GLCCI1: variants seen among roughly 807,000 people sequenced by gnomAD.
GLCCI1 encodes the protein glucocorticoid induced 1.
Under a neutral mutation model 52.2 loss-of-function variants are expected in GLCCI1, and 24 were observed. That is an observed-to-expected ratio of 0.46 (90% CI 0.33 to 0.65). GLCCI1 has a LOEUF of 0.65. GLCCI1 is among the 30% of genes least tolerant of loss of function. The probability of loss-of-function intolerance (pLI) is 0.02; values close to 1 mark genes in which losing one functional copy is unlikely to be tolerated. For missense variants in GLCCI1, 704 were observed against 701.5 expected (o/e 1.00, Z -0.04); for synonymous variants, 310 against 276.5 (o/e 1.12, Z -1.20).
rs1029793498 is a variant in GLCCI1, at chr7:8,046,136, C to T, written c.697-9297C>T. On this transcript the variant is annotated intron_variant, in intron 3 of 7. Coordinates refer to ENST00000223145, the MANE Select transcript of GLCCI1 (RefSeq NM_138426.4). ...ATGGATTAAAGTCAAGTTGGCATAA[C>T]GGAAGAGAGAATTCATGAATCAGAA... Among the ~76,000 whole-genome samples, 5 of 149,950 alleles carry T rather than the reference C, an allele frequency of 3.3e-5. 1 individual carries two copies. The South Asian group carries it at 8.5e-4, about 25-fold the overall frequency.
intron 1 of GLCCI1, chr7:7,981,201 G>C (rs1037352911): frequency 3.0e-6 from 1 of 332,742 alleles, no homozygotes; most frequent in African/African-American, 2.3e-5. Flanking sequence ...AAGTTGTGAA[G>C]TTATCTGGGA....
At chr7:8,013,792 G>GT (rs1387815740) in intron 2 of GLCCI1, among the ~76,000 whole-genome samples, 2 of 152,036 alleles carry the variant, frequency 1.3e-5, no homozygotes. Context: ...TTTACATACA[G>GT]GACATCTTCA....
rs1436480352 is a variant in GLCCI1, at chr7:8,086,813, G to A, written c.*275G>A. On this transcript the variant is annotated 3_prime_UTR_variant, in exon 8 of 8. Transcript: ENST00000223145. The surrounding 1 kb of genome is among the most constrained non-coding windows in gnomAD (Gnocchi z 4.4). ...ATTTGACAGATTAGTACTGTGTCCTGTGTTTTGTTCCAGATTCTTCAGTAT... is the reference window on the plus strand; with the variant it reads ...ATTTGACAGATTAGTACTGTGTCCTATGTTTTGTTCCAGATTCTTCAGTAT... 6 of 333,988 alleles carry A rather than the reference G, an allele frequency of 1.8e-5. No homozygotes were observed. Among genetic ancestry groups the A allele is most frequent in the African/African-American group, 1.3e-4 (6 of 47,424 alleles). 20.7% of individuals were successfully genotyped at this position (333,988 alleles called of 1,614,324 possible).
intron 2 of GLCCI1, among the ~76,000 whole-genome samples, chr7:8,009,167 T>C (rs1781211288): frequency 1.3e-5 from 2 of 152,144 alleles, no homozygotes; most frequent in African/African-American, 4.8e-5. Flanking sequence ...TAAAATCCAT[T>C]TGTGAAATTT....
chr7:8,008,222 A>G (rs953044517), intron 2 of GLCCI1, among the ~76,000 whole-genome samples: 1 of 151,612 alleles, frequency 6.6e-6, no homozygotes, highest in African/African-American at 2.4e-5. Flanking sequence ...AGCATCTCCC[A>G]AGGACTCCTA....
At chr7:8,074,731 A>T (rs552438065) in intron 6 of GLCCI1, among the ~76,000 whole-genome samples, 2 of 152,320 alleles carry the variant, frequency 1.3e-5, no homozygotes, top group Admixed American at 6.5e-5. Flanking sequence ...TTTCTACAAT[A>T]AATCATAAAT....
intron 3 of GLCCI1, among the ~76,000 whole-genome samples, chr7:8,032,529 A>G (rs1323634911): frequency 6.6e-6 from 1 of 152,062 alleles, no homozygotes; most frequent in East Asian, 1.9e-4. Context: ...AGCAGACCCA[A>G]ATTACCAACT....
intron 2 of GLCCI1, among the ~76,000 whole-genome samples, chr7:8,021,484 C>G (rs1458113628): frequency 6.6e-6 from 1 of 152,146 alleles, no homozygotes; most frequent in African/African-American, 2.4e-5. Flanking sequence ...ACAATCTTGG[C>G]TCACTGCAGC....
At chr7:8,050,988 A>G (rs1159351131) in intron 3 of GLCCI1, among the ~76,000 whole-genome samples, 1 of 152,164 alleles carries the variant, frequency 6.6e-6, no homozygotes, top group African/African-American at 2.4e-5. Context: ...AAATAATTAG[A>G]TAGGCAAATT....
chr7:8,084,098 T>G (rs935282929), intron 6 of GLCCI1, among the ~76,000 whole-genome samples: 1 of 152,224 alleles, frequency 6.6e-6, no homozygotes, highest in South Asian at 2.1e-4. Context: ...CTTTACAACT[T>G]GGCCTCTTAT....
chr7:8,085,736 A>T (rs1584031530), intron 7 of GLCCI1, among the ~76,000 whole-genome samples: 2 of 151,524 alleles, frequency 1.3e-5, no homozygotes, highest in Admixed American at 6.6e-5. Flanking sequence ...GACCACTGAA[A>T]CTCCCCTCCC....
intron 1 of GLCCI1, among the ~76,000 whole-genome samples, chr7:7,992,117 C>A (rs940192552): frequency 6.7e-6 from 1 of 149,962 alleles, no homozygotes; most frequent in Admixed American, 6.7e-5. Context: ...TTCTCTCTCT[C>A]TCTCTCTCTC....
At chr7:7,976,310 C>G (rs576768115) in intron 1 of GLCCI1, among the ~76,000 whole-genome samples, 1 of 151,350 alleles carries the variant, frequency 6.6e-6, no homozygotes, top group East Asian at 2.0e-4. Flanking sequence ...GAAACCCTGT[C>G]TCTACTAAAA....
At chr7:8,030,360 T>C (rs1781719182) in intron 3 of GLCCI1, among the ~76,000 whole-genome samples, 1 of 152,124 alleles carries the variant, frequency 6.6e-6, no homozygotes, top group East Asian at 1.9e-4. Flanking sequence ...ACCTGACTCC[T>C]TTTTTTCACC....
At position 8,086,061 on chromosome 7, in the gene GLCCI1, C is replaced by G; in HGVS notation, c.1299-132C>G. 2.9e-6 allele frequency: 2 copies of G among 698,686 alleles called. No individual in the cohort carries two copies. The highest frequency in any genetic ancestry group is 3.7e-5 in the South Asian group (2 of 53,852). 43.3% of individuals were successfully genotyped at this position (698,686 alleles called of 1,614,324 possible). On this transcript the variant is annotated intron_variant, in intron 7 of 7. Transcript: ENST00000223145. This position sits in a 1 kb window ranked among gnomAD's most constrained non-coding sequence, Gnocchi z 4.4. ...GACTTGTGCTATGGAAGATGTTTACCCCTCTGTATACACTTAACCCATCTC... is the reference window on the plus strand; with the variant it reads ...GACTTGTGCTATGGAAGATGTTTACGCCTCTGTATACACTTAACCCATCTC...
intron 6 of GLCCI1, 71 bp from the exon 7 acceptor site, chr7:8,084,826 G>C (rs763787267): frequency 6.3e-5 from 97 of 1,527,862 alleles, no homozygotes; most frequent in Admixed American, 3.5e-4. Flanking sequence ...TGTGCAAAAG[G>C]CTGTTTGTTT....
rs182462243 is a variant in GLCCI1 at position 8,081,209 on chromosome 7, A to G, written c.1178-3688A>G. 3.6e-3 allele frequency among the ~76,000 whole-genome samples: 546 copies of G among 152,206 alleles called. 3 individuals are homozygous for G. The highest frequency in any genetic ancestry group is 0.014 in the Middle Eastern group (4 of 294). On this transcript the variant is annotated intron_variant, in intron 6 of 7. Transcript: ENST00000223145. The stretch of plus-strand genomic sequence containing the variant: ...CTTTACCCCCCACCTCCCTACCCCA[A>G]GGCAGTGCTTGGCTCCTCCCCAGAC...
intron 2 of GLCCI1, among the ~76,000 whole-genome samples, chr7:8,009,631 A>T (rs1315820339): frequency 6.6e-6 from 1 of 152,052 alleles, no homozygotes; most frequent in African/African-American, 2.4e-5. Flanking sequence ...GTTCATTCCT[A>T]CTCTGTCCAT....
intron 2 of GLCCI1, among the ~76,000 whole-genome samples, chr7:8,010,809 G>A (rs1781248486): frequency 6.6e-6 from 1 of 151,988 alleles, no homozygotes; most frequent in South Asian, 2.1e-4. Context: ...GAAATATATT[G>A]TTTAGACATA....
Sources: allele counts gnomAD v4.1 joint callset (sites outside exome capture counted in the v4.1 genomes callset), GRCh38; gene constraint gnomAD v4.1.1; non-coding constraint Gnocchi (gnomAD v3.1); transcripts MANE v1.5; gene names NCBI Gene and HGNC (gene_info 2026-07-23, HGNC 2026-07-21).